Variants in PCM1 observed in about 807,000 individuals in gnomAD.
PCM1 encodes the protein pericentriolar material 1.
PCM1 carries 157 observed loss-of-function variants against 241.9 expected under a neutral mutation model. That is an observed-to-expected ratio of 0.65 (90% confidence interval 0.57 to 0.74). The LOEUF (loss-of-function observed/expected upper bound fraction) is 0.74. Among genes scored for constraint, PCM1 ranks in the 30% least tolerant of loss-of-function variants. The pLI, the probability that PCM1 is intolerant of heterozygous loss-of-function variation, is 0.00. For synonymous variants in PCM1, 1,085 were observed against 784.9 expected, an observed-to-expected ratio of 1.38 and a Z score of -6.39; for missense variants, 3,478 against 2,360.1, an observed-to-expected ratio of 1.47 and a Z score of -9.81.
rs747942776 is a variant in PCM1 at position 17,953,228 on chromosome 8, A to G, written c.1288+42A>G. 8 of 987,014 alleles carry G rather than the reference A, an allele frequency of 8.1e-6. No individual in the cohort carries two copies. In the South Asian group the frequency reaches 1.2e-4, roughly 15 times the overall value. 61.1% of individuals were successfully genotyped at this position (987,014 alleles called of 1,614,324 possible). A position where few individuals can be genotyped will look rare whatever the true frequency, so the allele number is the denominator to read the frequency against. ...CAGCAGTATTGGGTATAAGACACACAAGTATATATACTGTCACATAATAAA... is the reference window on the plus strand; with the variant it reads ...CAGCAGTATTGGGTATAAGACACACGAGTATATATACTGTCACATAATAAA... On this transcript the variant is annotated intron_variant, in intron 9 of 38. Coordinates refer to ENST00000325083, the MANE Select transcript of PCM1 (RefSeq NM_006197.4).
intron 28 of PCM1, among the ~76,000 whole-genome samples, chr8:17,993,067 C>A (rs1324740431): frequency 6.8e-6 from 1 of 147,922 alleles, no homozygotes; most frequent in Non-Finnish European, 1.5e-5. Context: ...ATGATTATTT[C>A]TTTTGCCGTG....
intron 6 of PCM1, chr8:17,940,170 T>A: frequency 1.4e-6 from 2 of 1,390,196 alleles, no homozygotes; most frequent in Non-Finnish European, 2.0e-6. Flanking sequence ...TAAGCGGCTT[T>A]TTGGTAATTA....
chr8:17,961,810 G>C (rs950440816), intron 15 of PCM1, among the ~76,000 whole-genome samples: 2 of 152,022 alleles, frequency 1.3e-5, no homozygotes, highest in African/African-American at 2.4e-5. Flanking sequence ...TTTTATCCCT[G>C]TTGTTTCTGT....
At chr8:17,929,475 C>G (rs531787975) in intron 2 of PCM1, among the ~76,000 whole-genome samples, 3 of 152,152 alleles carry the variant, frequency 2.0e-5, no homozygotes, top group Non-Finnish European at 4.4e-5. Flanking sequence ...ATTTGTCAAC[C>G]GGACAATTTT....
At chr8:18,022,892 C>A (rs2093872499) in intron 36 of PCM1, among the ~76,000 whole-genome samples, 1 of 152,108 alleles carries the variant, frequency 6.6e-6, no homozygotes, top group Non-Finnish European at 1.5e-5. Flanking sequence ...TCACTGTATA[C>A]AATAGGGTTT....
chr8:17,941,478 A>C (rs1388682088), intron 6 of PCM1, among the ~76,000 whole-genome samples: 2 of 151,616 alleles, frequency 1.3e-5, no homozygotes, highest in Non-Finnish European at 2.9e-5. Flanking sequence ...CAGAAAACTT[A>C]AAAGACTAAA....
rs138847819 is a variant in PCM1 at position 17,945,697 on chromosome 8, A to C, written c.784-1489A>C. Among the ~76,000 whole-genome samples, 7 of 152,266 alleles carry C rather than the reference A, an allele frequency of 4.6e-5. No homozygotes were observed. The East Asian group carries it at 9.7e-4, about 21-fold the overall frequency. ...AAATTTTTATATAGTATTGTAAAGG[A>C]TGTCACCCAGAAGGGAGTTTCTCTT... On this transcript the variant is annotated intron_variant, in intron 6 of 38. Transcript: ENST00000325083.
At chr8:17,973,207 TA>T (rs1380370730) in intron 23 of PCM1, among the ~76,000 whole-genome samples, 2 of 152,186 alleles carry the variant, frequency 1.3e-5, no homozygotes, top group Admixed American at 1.3e-4. Flanking sequence ...TAAAGTTGTT[TA>T]AAAAATTTTT....
intron 1 of PCM1, among the ~76,000 whole-genome samples, chr8:17,924,060 T>C (rs1286581507): frequency 6.6e-6 from 1 of 151,994 alleles, no homozygotes; most frequent in African/African-American, 2.4e-5. Flanking sequence ...TGACGGTTCG[T>C]GTTTGGGCGC....
At position 17,975,862 on chromosome 8, in the gene PCM1, A is replaced by G. The variant is rs565700824; in HGVS notation, c.3943+3175A>G. Among the ~76,000 whole-genome samples the G allele has an allele frequency of 8.8e-4, 134 of 152,280 alleles. 1 individual carries two copies. Among genetic ancestry groups the G allele is most frequent in the African/African-American group, 3.0e-3 (124 of 41,570 alleles). On this transcript the variant is annotated intron_variant, in intron 23 of 38. Transcript: ENST00000325083. ...AATATATAAATTATGTAATAATCGTATTTTAAACTTGAGTTCAGACTTAGA... is the reference window on the plus strand; with the variant it reads ...AATATATAAATTATGTAATAATCGTGTTTTAAACTTGAGTTCAGACTTAGA...
At chr8:17,968,998 A>G (rs541246749) in intron 21 of PCM1, among the ~76,000 whole-genome samples, 6 of 151,662 alleles carry the variant, frequency 4.0e-5, no homozygotes, top group East Asian at 1.9e-4. Flanking sequence ...TAACAGTACA[A>G]TTTTTGTGAA....
intron 29 of PCM1, among the ~76,000 whole-genome samples, chr8:18,004,792 T>C (rs2090770839): frequency 6.6e-6 from 1 of 152,190 alleles, no homozygotes; most frequent in Non-Finnish European, 1.5e-5. Flanking sequence ...CTTTCTTCTT[T>C]CTAGTAGCAT....
intron 29 of PCM1, among the ~76,000 whole-genome samples, chr8:18,004,976 A>G (rs1323355538): frequency 6.6e-6 from 1 of 152,076 alleles, no homozygotes; most frequent in East Asian, 1.9e-4. Context: ...TTCACTTCAC[A>G]TTATTCAACA....
chr8:18,018,875 T>TACAC (rs1473453041), intron 36 of PCM1, among the ~76,000 whole-genome samples: 25 of 48,480 alleles, frequency 5.2e-4, no homozygotes, highest in East Asian at 3.0e-3. Flanking sequence ...TATATATATA[T>TACAC]ATATACACAC....
intron 24 of PCM1, among the ~76,000 whole-genome samples, chr8:17,981,366 G>C (rs780724095): frequency 1.2e-4 from 19 of 152,128 alleles, no homozygotes; most frequent in Non-Finnish European, 2.5e-4. Flanking sequence ...ATCCAAGCTA[G>C]GATAGTTTCC....
Position 17,965,985 on chromosome 8 carries a change from C to T in PCM1, c.2856-14C>T. On this transcript the variant is annotated splice_polypyrimidine_tract_variant and intron_variant, in intron 18 of 38. Transcript: ENST00000325083. ...ATTATGTATGATGACTTAATGCTTT[C>T]AATCTTGTGTTAGGTGGAAGAACAA... 6.3e-7 allele frequency: 1 copy of T among 1,590,684 alleles called. No individual in the cohort carries two copies. The highest frequency in any genetic ancestry group is 1.7e-4 in the Middle Eastern group (1 of 5,928).
chr8:18,003,592 A>T (rs996747867), intron 29 of PCM1, among the ~76,000 whole-genome samples: 1 of 152,150 alleles, frequency 6.6e-6, no homozygotes, highest in Non-Finnish European at 1.5e-5. Context: ...TATAGCACTT[A>T]TGACAAAGGA....
chr8:17,972,385 A>G lies in PCM1; in HGVS notation c.3641A>G (p.Glu1214Gly), dbSNP rs762827950. The change falls in exon 23 of 39, where the codon GAA becomes GGA. Residue 1214 changes from glutamate to glycine, a missense_variant. Transcript: ENST00000325083. Reference sequence around the variant, plus strand: ...AGCAGTAGGACACCATGGTTATATGAACAAGAAGGTGAAGTAGAGAAACCA... The same window carrying G: ...AGCAGTAGGACACCATGGTTATATGGACAAGAAGGTGAAGTAGAGAAACCA... Reference protein sequence around the residue: ...VESSRTPWLYEQEGEVEKPFI... With the variant: ...VESSRTPWLYGQEGEVEKPFI... 2.5e-6 allele frequency: 4 copies of G among 1,597,088 alleles called. No homozygotes were observed. The East Asian group carries it at 9.0e-5, about 36-fold the overall frequency.
chr8:17,934,908 C>T (rs565179191), intron 2 of PCM1: 1 of 152,094 alleles, frequency 6.6e-6, no homozygotes, highest in Non-Finnish European at 1.5e-5. Context: ...AGCAAAAACC[C>T]CATTTTTATG....
Sources: allele counts gnomAD v4.1 joint callset (sites outside exome capture counted in the v4.1 genomes callset), GRCh38; gene constraint gnomAD v4.1.1; transcripts MANE v1.5; gene names NCBI Gene and HGNC (gene_info 2026-07-23, HGNC 2026-07-21).